ARMC9: variants seen among roughly 807,000 people sequenced by gnomAD.
The protein encoded by ARMC9 is lisH domain-containing protein ARMC9.
A neutral mutation model predicts 107.0 loss-of-function variants in ARMC9; 94 were observed. That is an observed-to-expected ratio of 0.88 (90% confidence interval 0.74 to 1.04). The LOEUF is 1.04. Among genes scored for constraint, ARMC9 ranks in the 50% least tolerant of loss-of-function variants. The pLI is 0.00. For missense variants in ARMC9, 942 were observed against 1,030.1 expected (o/e 0.91, Z 1.17); for synonymous variants, 380 against 396.9 (o/e 0.96, Z 0.51).
chr2:231,292,888 G>T (rs1474742348), intron 18 of ARMC9, among the ~76,000 whole-genome samples: 1 of 152,184 alleles, frequency 6.6e-6, no homozygotes, highest in Non-Finnish European at 1.5e-5. Flanking sequence ...CGGTCACCTG[G>T]GGAGATGTTT....
chr2:231,242,909 G>A (rs1017671794), intron 9 of ARMC9, among the ~76,000 whole-genome samples: 2 of 152,064 alleles, frequency 1.3e-5, no homozygotes, highest in African/African-American at 4.8e-5. Flanking sequence ...CCAGGAGTTC[G>A]AGGCCAGTCT....
intron 21 of ARMC9, among the ~76,000 whole-genome samples, chr2:231,347,794 T>G (rs1043784000): frequency 2.6e-5 from 4 of 152,230 alleles, no homozygotes; most frequent in Non-Finnish European, 4.4e-5. Context: ...GCAAAGGTTC[T>G]TAGCATATCT....
chr2:231,278,276 C>A, intron 15 of ARMC9, 106 bp from the exon 16 acceptor site: 3 of 1,096,442 alleles, frequency 2.7e-6, no homozygotes, highest in South Asian at 1.3e-5. Context: ...CGAGGTCATA[C>A]AGCTCATGAG....
At chr2:231,312,579 C>T (rs1575044870) in intron 19 of ARMC9, among the ~76,000 whole-genome samples, 1 of 151,740 alleles carries the variant, frequency 6.6e-6, no homozygotes, top group South Asian at 2.1e-4. Context: ...TGCAAAACAG[C>T]CTTTTACAGT....
Position 231,255,337 on chromosome 2 carries a change from A to G in ARMC9, c.880-1249A>G, listed in dbSNP as rs1437015850. Among the ~76,000 whole-genome samples, 1 of 152,224 alleles carries G rather than the reference A, an allele frequency of 6.6e-6. No individual in the cohort carries two copies. Among genetic ancestry groups the G allele is most frequent in the Admixed American group, 6.5e-5 (1 of 15,276 alleles). The stretch of plus-strand genomic sequence containing the variant: ...TTGTTAATGTTTTTTAAACACGTGT[A>G]GAAAATGTTTGACTTGGTACAAAGT... On this transcript the variant is annotated intron_variant, in intron 9 of 24. Coordinates refer to ENST00000611582, the MANE Select transcript of ARMC9 (RefSeq NM_001352754.2). The surrounding 1 kb of genome is among the most constrained non-coding windows in gnomAD (Gnocchi z 4.7).
At chr2:231,253,216 C>T in intron 9 of ARMC9, among the ~76,000 whole-genome samples, 1 of 151,564 alleles carries the variant, frequency 6.6e-6, no homozygotes, top group Non-Finnish European at 1.5e-5. Context: ...TGTGTTCAAG[C>T]GATTCTCCTG....
chr2:231,355,158 G>A (rs1032299240), intron 21 of ARMC9, among the ~76,000 whole-genome samples: 7 of 152,162 alleles, frequency 4.6e-5, no homozygotes, highest in African/African-American at 1.7e-4. Context: ...TAGCAACATG[G>A]AGAGACCTTG....
chr2:231,354,858 G>C (rs1218398312), intron 21 of ARMC9, among the ~76,000 whole-genome samples: 1 of 152,244 alleles, frequency 6.6e-6, no homozygotes, highest in Non-Finnish European at 1.5e-5. Context: ...CTTCCTCGGG[G>C]ATCTGTGGTC....
At chr2:231,365,691 C>T (rs1263902436) in intron 23 of ARMC9, among the ~76,000 whole-genome samples, 1 of 151,998 alleles carries the variant, frequency 6.6e-6, no homozygotes, top group Non-Finnish European at 1.5e-5. Context: ...GGGAACCAGC[C>T]GCACACACAG....
chr2:231,246,597 G>T (rs887425458), intron 9 of ARMC9, among the ~76,000 whole-genome samples: 1 of 152,114 alleles, frequency 6.6e-6, no homozygotes, highest in African/African-American at 2.4e-5. Flanking sequence ...TCCTTATCCA[G>T]TTCACTGCTG....
At chr2:231,263,437 A>C (rs572313235) in intron 12 of ARMC9, among the ~76,000 whole-genome samples, 15 of 152,366 alleles carry the variant, frequency 9.8e-5, no homozygotes, top group Middle Eastern at 3.4e-3. Flanking sequence ...TGAGCGTGCA[A>C]GTCAGAGAAT....
intron 3 of ARMC9, among the ~76,000 whole-genome samples, chr2:231,208,859 A>G (rs1046383999): frequency 2.0e-5 from 3 of 152,074 alleles, no homozygotes; most frequent in Non-Finnish European, 4.4e-5. Flanking sequence ...GCATAAACCC[A>G]GGAGTTCAAG....
rs138448392 is a variant in ARMC9 at position 231,324,068 on chromosome 2, G to A, written c.1774-7725G>A. 5.0e-3 allele frequency among the ~76,000 whole-genome samples: 719 copies of A among 145,010 alleles called. 5 individuals carry two copies. The highest frequency in any genetic ancestry group is 0.018 in the African/African-American group (688 of 38,898). Reference sequence around the variant, plus strand: ...GGAACAAATGCAGAAACTGTCCTGTGTTTCTGGAGGTTAGGGAGGGCCTAT... The same window carrying A: ...GGAACAAATGCAGAAACTGTCCTGTATTTCTGGAGGTTAGGGAGGGCCTAT... On this transcript the variant is annotated intron_variant, in intron 19 of 24. Coordinates refer to ENST00000611582, the MANE Select transcript of ARMC9 (RefSeq NM_001352754.2).
intron 7 of ARMC9, among the ~76,000 whole-genome samples, chr2:231,227,470 A>G (rs1239211176): frequency 2.0e-5 from 3 of 152,222 alleles, no homozygotes; most frequent in Non-Finnish European, 1.5e-5. Flanking sequence ...TCTGGTGAGT[A>G]TTGATGGCAT....
At chr2:231,267,957 G>A (rs1427660296) in intron 12 of ARMC9, among the ~76,000 whole-genome samples, 1 of 152,184 alleles carries the variant, frequency 6.6e-6, no homozygotes, top group Non-Finnish European at 1.5e-5. Flanking sequence ...AACACTGGCT[G>A]CAACCCAAAT....
At chr2:231,242,454 G>A (rs1255227625) in intron 9 of ARMC9, among the ~76,000 whole-genome samples, 1 of 152,114 alleles carries the variant, frequency 6.6e-6, no homozygotes, top group African/African-American at 2.4e-5. Flanking sequence ...TTTTTAAAAG[G>A]TCAGTAAAGT....
rs2038952431 is a variant in ARMC9, at chr2:231,267,447, T to G, written c.1120-3535T>G. Among the ~76,000 whole-genome samples the G allele has an allele frequency of 2.0e-5, 3 of 152,070 alleles. No individual in the cohort carries two copies. In the South Asian group the frequency reaches 6.2e-4, roughly 32 times the overall value. On this transcript the variant is annotated intron_variant, in intron 12 of 24. Transcript: ENST00000611582. The stretch of plus-strand genomic sequence containing the variant: ...GGTTTCGCCATGTTGGCCAGGCTGG[T>G]CTCAAACTCCTGACCTCAGGTAATC...
At chr2:231,217,852 C>A (rs1449923029) in intron 5 of ARMC9, among the ~76,000 whole-genome samples, 3 of 152,072 alleles carry the variant, frequency 2.0e-5, no homozygotes, top group Admixed American at 2.0e-4. Context: ...ACCAGCACAC[C>A]TGGCTAATTG....
At chr2:231,371,081 A>C (rs1284830280) in intron 24 of ARMC9, 1 of 462,590 alleles carries the variant, frequency 2.2e-6, no homozygotes, top group Non-Finnish European at 4.3e-6. Flanking sequence ...GTCGCAGCCC[A>C]GGTCAGGCGC....
Sources: allele counts gnomAD v4.1 joint callset (sites outside exome capture counted in the v4.1 genomes callset), GRCh38; gene constraint gnomAD v4.1.1; non-coding constraint Gnocchi (gnomAD v3.1); transcripts MANE v1.5; gene names NCBI Gene and HGNC (gene_info 2026-07-23, HGNC 2026-07-21).